Variants in CYTH3 observed in about 807,000 individuals in gnomAD.
The protein encoded by CYTH3 is cytohesin 3.
CYTH3 carries 23 observed loss-of-function variants against 55.1 expected under a neutral mutation model. The observed-to-expected ratio is 0.42, with a 90% CI of 0.30 to 0.59. The LOEUF (loss-of-function observed/expected upper bound fraction) is 0.59, where lower values mean the gene tolerates loss of function less well. CYTH3 is among the 20% of genes least tolerant of loss of function. The pLI is 0.20. For synonymous variants in CYTH3, 249 were observed against 194.9 expected, an observed-to-expected ratio of 1.28 and a Z score of -2.31; for missense variants, 413 against 524.8, an observed-to-expected ratio of 0.79 and a Z score of 2.08.
At chr7:6,266,165 C>A (rs1457123892) in intron 1 of CYTH3, among the ~76,000 whole-genome samples, 4 of 152,096 alleles carry the variant, frequency 2.6e-5, no homozygotes, top group Non-Finnish European at 5.9e-5. Flanking sequence ...CAAGTCCTCC[C>A]TTCTCCTCCA....
rs1215268176 is a variant in CYTH3, at chr7:6,170,819, G to A, written c.711+11C>T. On this transcript the variant is annotated intron_variant, in intron 8 of 12. Coordinates refer to ENST00000350796, the MANE Select transcript of CYTH3 (RefSeq NM_004227.4). The surrounding 1 kb of genome is among the most constrained non-coding windows in gnomAD (Gnocchi z 7.8). ...CTGCAGACGGCAGCGGCCGCGGGCC[G>A]GGGAGCTCACCCTCAGCAGCTCCTC... is the stretch of plus-strand genomic sequence containing the variant. 9 of 1,606,536 alleles carry A rather than the reference G, an allele frequency of 5.6e-6. No homozygotes were observed. Among genetic ancestry groups the A allele is most frequent in the South Asian group, 4.4e-5 (4 of 90,606 alleles).
At chr7:6,219,515 TG>T (rs1316565489) in intron 1 of CYTH3, among the ~76,000 whole-genome samples, 2 of 152,170 alleles carry the variant, frequency 1.3e-5, no homozygotes, top group Admixed American at 6.5e-5. Flanking sequence ...GCTAGTATGC[TG>T]GAAGAATTAA....
intron 1 of CYTH3, among the ~76,000 whole-genome samples, chr7:6,259,625 A>G (rs1780226728): frequency 6.8e-6 from 1 of 147,124 alleles, no homozygotes; most frequent in African/African-American, 2.6e-5. Flanking sequence ...CATTAACTAT[A>G]AAAAGTTTAT....
rs182342509 is a variant in CYTH3 at position 6,242,715 on chromosome 7, A to G, written c.34+29759T>C. On this transcript the variant is annotated intron_variant, in intron 1 of 12. Coordinates refer to ENST00000350796, the MANE Select transcript of CYTH3 (RefSeq NM_004227.4). ...TCCAGGATCATTTACATTTTCAACA[A>G]GTGAAGGCCTAAAGGGGGATGAGCT... Among the ~76,000 whole-genome samples the G allele has an allele frequency of 2.4e-3, 369 of 152,210 alleles. 2 individuals are homozygous for G. The highest frequency in any genetic ancestry group is 6.8e-3 in the Middle Eastern group (2 of 294).
chr7:6,259,814 A>T (rs867347791), intron 1 of CYTH3, among the ~76,000 whole-genome samples: 24 of 23,256 alleles, frequency 1.0e-3, no homozygotes, highest in East Asian at 5.2e-3. Context: ...TATATATATA[A>T]TATATATATA....
chr7:6,227,063 G>C (rs865933990), intron 1 of CYTH3, among the ~76,000 whole-genome samples: 7 of 144,944 alleles, frequency 4.8e-5, no homozygotes, highest in Admixed American at 3.5e-4. Flanking sequence ...CTGGGCAACA[G>C]AGCAAGACTC....
chr7:6,221,787 A>G (rs1187102876), intron 1 of CYTH3, among the ~76,000 whole-genome samples: 2 of 152,084 alleles, frequency 1.3e-5, no homozygotes, highest in Non-Finnish European at 2.9e-5. Flanking sequence ...CAGCTCTACA[A>G]AAAATAAAAA....
chr7:6,169,411 C>T lies in CYTH3; in HGVS notation c.823+1124G>A, dbSNP rs1410012518. Among the ~76,000 whole-genome samples, 1 of 152,084 alleles carries T rather than the reference C, an allele frequency of 6.6e-6. No homozygotes were observed. The highest frequency in any genetic ancestry group is 6.6e-5 in the Admixed American group (1 of 15,258). On this transcript the variant is annotated intron_variant, in intron 9 of 12. Transcript: ENST00000350796. The surrounding 1 kb of genome is among the most constrained non-coding windows in gnomAD (Gnocchi z 4.1). ...AATTTTTTGTAAAGATGGGGTTTCA[C>T]TATATTGCCCAGGTGGTCTGAAGCT...
rs559950855 is a variant in CYTH3, at chr7:6,214,984, G to C, written c.35-24453C>G. Among the ~76,000 whole-genome samples, 13 of 151,874 alleles carry C rather than the reference G, an allele frequency of 8.6e-5. No homozygotes were observed. In the South Asian group the frequency reaches 1.9e-3, roughly 22 times the overall value. ...GGTTATTTTGGTAAATTTTTAAAAA[G>C]ACAAAAATTTAAACAGAACCCACCT... is the stretch of plus-strand genomic sequence containing the variant. On this transcript the variant is annotated intron_variant, in intron 1 of 12. Transcript: ENST00000350796.
intron 1 of CYTH3, among the ~76,000 whole-genome samples, chr7:6,248,802 T>A (rs955454824): frequency 6.6e-6 from 1 of 152,244 alleles, no homozygotes; most frequent in Admixed American, 6.5e-5. Flanking sequence ...CTGGTATTTC[T>A]TCACCCTGAT....
intron 2 of CYTH3, among the ~76,000 whole-genome samples, chr7:6,189,166 T>C (rs906902770): frequency 6.6e-6 from 1 of 152,332 alleles, no homozygotes; most frequent in Non-Finnish European, 1.5e-5. Flanking sequence ...GAATCACTTC[T>C]GTAACAATCA....
chr7:6,260,376 A>C lies in CYTH3; in HGVS notation c.34+12098T>G, dbSNP rs577072064. On this transcript the variant is annotated intron_variant, in intron 1 of 12. Transcript: ENST00000350796. The stretch of plus-strand genomic sequence containing the variant: ...TAGAAATGATTATTGGTCTCCTGTG[A>C]AAACTTCCTTGAGAAGTATTTCACT... 4.6e-5 allele frequency among the ~76,000 whole-genome samples: 7 copies of C among 152,324 alleles called. No individual in the cohort carries two copies. The South Asian group carries it at 1.5e-3, about 32-fold the overall frequency.
At chr7:6,232,102 T>C (rs1242659643) in intron 1 of CYTH3, among the ~76,000 whole-genome samples, 3 of 152,176 alleles carry the variant, frequency 2.0e-5, no homozygotes, top group Non-Finnish European at 4.4e-5. Context: ...TGAATGGCTG[T>C]CTTACCTTTT....
intron 4 of CYTH3, among the ~76,000 whole-genome samples, chr7:6,184,739 C>T (rs576781531): frequency 3.9e-5 from 6 of 152,206 alleles, no homozygotes; most frequent in African/African-American, 1.4e-4. Flanking sequence ...CCACCACGCC[C>T]AGCTAATTTT....
chr7:6,238,836 T>C (rs2128555013), intron 1 of CYTH3, among the ~76,000 whole-genome samples: 1 of 152,166 alleles, frequency 6.6e-6, no homozygotes, highest in East Asian at 1.9e-4. Context: ...ATTCTTGCTG[T>C]GAACCTAAAT....
At chr7:6,245,392 G>A (rs1190742833) in intron 1 of CYTH3, among the ~76,000 whole-genome samples, 1 of 152,038 alleles carries the variant, frequency 6.6e-6, no homozygotes, top group Non-Finnish European at 1.5e-5. Flanking sequence ...CACAAATTCT[G>A]GCTCCTCCTC....
chr7:6,182,815 G>A (rs1166413186), intron 4 of CYTH3, among the ~76,000 whole-genome samples: 1 of 152,132 alleles, frequency 6.6e-6, no homozygotes, highest in African/African-American at 2.4e-5. Context: ...CGCCTCTATT[G>A]TTTCCATTAA....
intron 1 of CYTH3, among the ~76,000 whole-genome samples, chr7:6,204,038 T>C (rs571929404): frequency 1.3e-5 from 2 of 150,672 alleles, no homozygotes; most frequent in African/African-American, 4.9e-5. Flanking sequence ...TTTTTATATA[T>C]GTTCACAATA....
intron 1 of CYTH3, among the ~76,000 whole-genome samples, chr7:6,270,006 T>C (rs989355844): frequency 3.9e-5 from 6 of 152,192 alleles, no homozygotes; most frequent in Non-Finnish European, 5.9e-5. Flanking sequence ...ACTCTAAAAA[T>C]ATACCAAAAA....
Sources: allele counts gnomAD v4.1 joint callset (sites outside exome capture counted in the v4.1 genomes callset), GRCh38; gene constraint gnomAD v4.1.1; non-coding constraint Gnocchi (gnomAD v3.1); transcripts MANE v1.5; gene names NCBI Gene and HGNC (gene_info 2026-07-23, HGNC 2026-07-21).